The following RCOR3 variants were observed in gnomAD, a reference collection of about 807,000 sequenced individuals.
RCOR3 encodes the protein REST corepressor 3.
RCOR3 carries 13 observed loss-of-function variants against 64.1 expected under a neutral mutation model. That is an observed-to-expected ratio of 0.20 (90% CI 0.13 to 0.32). The LOEUF is 0.32. RCOR3 is among the 10% of genes least tolerant of loss of function. The probability of loss-of-function intolerance (pLI) is 1.00; values close to 1 mark genes in which losing one functional copy is unlikely to be tolerated. For synonymous variants in RCOR3, 215 were observed against 239.0 expected (o/e 0.90, Z 0.93); for missense variants, 489 against 701.2 (o/e 0.70, Z 3.42).
At chr1:211,268,551 A>G (rs1213301054) in intron 2 of RCOR3, among the ~76,000 whole-genome samples, 1 of 151,276 alleles carries the variant, frequency 6.6e-6, no homozygotes, top group Non-Finnish European at 1.5e-5. Flanking sequence ...GGCTAATTGT[A>G]TTTTTAATAG....
At chr1:211,262,033 C>CTTA (rs1694396620) in intron 2 of RCOR3, among the ~76,000 whole-genome samples, 2 of 65,512 alleles carry the variant, frequency 3.1e-5, no homozygotes, top group South Asian at 1.4e-3. Flanking sequence ...GCTATAAAAA[C>CTTA]TTTTTTTTTT....
intron 2 of RCOR3, among the ~76,000 whole-genome samples, chr1:211,267,461 G>T (rs1053860112): frequency 6.6e-6 from 1 of 152,206 alleles, no homozygotes; most frequent in Non-Finnish European, 1.5e-5. Context: ...CTGCTATCAG[G>T]ATTGCTCTAT....
chr1:211,312,099 ATCT>A lies in RCOR3; in HGVS notation c.1076-617_1076-615del, dbSNP rs1324451216. 4.6e-6 allele frequency: 1 copy of A among 217,856 alleles called. No individual in the cohort carries two copies. The highest frequency in any genetic ancestry group is 9.8e-6 in the Non-Finnish European group (1 of 102,418). The allele number at this position is 217,856 out of a possible 1,614,324, so 13.5% of individuals were successfully genotyped here. A position where few individuals can be genotyped will look rare whatever the true frequency, so the allele number is the denominator to read the frequency against. Reference sequence around the variant, plus strand: ...AAAATCCAACTGACTCTGAAAAAAAATCTTCTCTTTTTTCAAAATCCACCAACT... The same window carrying A: ...AAAATCCAACTGACTCTGAAAAAAAATCTCTTTTTTCAAAATCCACCAACT... On this transcript the variant is annotated intron_variant, in intron 10 of 11. Transcript: ENST00000419091. The surrounding 1 kb of genome is among the most constrained non-coding windows in gnomAD (Gnocchi z 5.0).
At position 211,289,305 on chromosome 1, in the gene RCOR3, A is replaced by G; in HGVS notation, c.848A>G (p.Gln283Arg). The G allele has an allele frequency of 6.2e-7, 1 of 1,614,188 alleles. No individual in the cohort carries two copies. The highest frequency in any genetic ancestry group is 8.5e-7 in the Non-Finnish European group (1 of 1,180,030). ...CCACCTAAGGGCATGTATTTAACCC[A>G]GGAAGATGTGGTAGCAGTTTCCTGT... ...CRPPKGMYLT[Q>R]EDVVAVSCSP... The change falls in exon 8 of 12, where the codon CAG (glutamine) becomes CGG (arginine). Residue 283 changes from glutamine (Q) to arginine (R), a missense_variant. Transcript: ENST00000419091.
intron 7 of RCOR3, among the ~76,000 whole-genome samples, chr1:211,286,412 A>AT (rs1698539251): frequency 6.7e-6 from 1 of 150,286 alleles, no homozygotes; most frequent in Non-Finnish European, 1.5e-5. Flanking sequence ...GGTTCAAGTG[A>AT]TTCTCCTGCC....
chr1:211,297,787 C>G (rs1699992063), intron 9 of RCOR3, among the ~76,000 whole-genome samples: 2 of 152,062 alleles, frequency 1.3e-5, no homozygotes, highest in African/African-American at 4.8e-5. Flanking sequence ...GAGAGGAAGG[C>G]AACTTGAATA....
intron 3 of RCOR3, chr1:211,271,731 G>C: frequency 3.2e-6 from 1 of 308,202 alleles, no homozygotes; most frequent in Non-Finnish European, 6.5e-6. Context: ...GCAGCCATCA[G>C]GTCATCTTTG....
At chr1:211,260,635 C>T (rs971253262) in intron 2 of RCOR3, among the ~76,000 whole-genome samples, 1 of 152,200 alleles carries the variant, frequency 6.6e-6, no homozygotes, top group Non-Finnish European at 1.5e-5. Flanking sequence ...AAGGGCGAGC[C>T]CTGCCGACCT....
intron 3 of RCOR3, among the ~76,000 whole-genome samples, chr1:211,273,889 T>C (rs1696593856): frequency 6.6e-6 from 1 of 152,316 alleles, no homozygotes; most frequent in South Asian, 2.1e-4. Flanking sequence ...ATTATCTTAA[T>C]ATTTTATACA....
intron 5 of RCOR3, 101 bp from the exon 6 acceptor site, chr1:211,278,016 T>C (rs965732399): frequency 9.4e-7 from 1 of 1,064,192 alleles, no homozygotes; most frequent in Non-Finnish European, 1.3e-6. Flanking sequence ...ACCCATGAAA[T>C]ATTTTTTTAT....
intron 2 of RCOR3, among the ~76,000 whole-genome samples, chr1:211,268,088 G>A (rs1229606366): frequency 6.6e-6 from 1 of 152,116 alleles, no homozygotes; most frequent in African/African-American, 2.4e-5. Flanking sequence ...GTTGCATTTC[G>A]TGTTCTATTA....
At chr1:211,294,620 C>T (rs1475222865) in intron 8 of RCOR3, among the ~76,000 whole-genome samples, 9 of 124,810 alleles carry the variant, frequency 7.2e-5, no homozygotes, top group Admixed American at 2.0e-4. Context: ...GACGGAGTCT[C>T]GCTGTGTCGC....
chr1:211,287,086 G>A (rs1382020029), intron 7 of RCOR3, among the ~76,000 whole-genome samples: 1 of 152,044 alleles, frequency 6.6e-6, no homozygotes, highest in East Asian at 1.9e-4. Context: ...CTTGATTTGG[G>A]GTTTTTCAGG....
rs1353438362 is a variant in RCOR3 at position 211,259,682 on chromosome 1, A to G, written c.122A>G (p.His41Arg). The G allele has an allele frequency of 1.6e-5, 25 of 1,544,692 alleles. No homozygotes were observed. Among genetic ancestry groups the G allele is most frequent in the Non-Finnish European group, 2.0e-5 (23 of 1,144,356 alleles). ...GCCTCGTCCACCAACGGCGGGCTGC[A>G]CTACTCAGAGCCCGAGAGCGGCTGC... ...SGASSTNGGL[H>R]YSEPESGCSS... The change falls in exon 1 of 12, where the codon CAC becomes CGC. Residue 41 changes from histidine to arginine, a missense_variant. Physicochemically the swap from His to Arg is conservative, Grantham distance 29 (BLOSUM62 0). Around this residue, in one of 2 missense-constraint regions of RCOR3, gnomAD observed 87 missense variants for 84.3 expected, o/e 1.03. Transcript: ENST00000419091.
At chr1:211,269,078 T>A (rs1350750318) in intron 2 of RCOR3, among the ~76,000 whole-genome samples, 1 of 152,208 alleles carries the variant, frequency 6.6e-6, no homozygotes, top group Non-Finnish European at 1.5e-5. Context: ...CTTATAACTT[T>A]ATAAAGGATT....
In RCOR3 at chr1:211,315,495, T is replaced by G. The variant is rs1002777452; in HGVS notation, c.*1727T>G. On this transcript the variant is annotated 3_prime_UTR_variant, in exon 12 of 12. Transcript: ENST00000419091. ...GTTCTTGGCCCTGAATTTAGCTGAT[T>G]TAAAATTCTTAATATTCAAGAATTT... is the stretch of plus-strand genomic sequence containing the variant. 2 of 152,238 alleles carry G rather than the reference T, an allele frequency of 1.3e-5. No homozygotes were observed. The highest frequency in any genetic ancestry group is 6.5e-5 in the Admixed American group (1 of 15,290). The allele number at this position is 152,238 out of a possible 1,614,324, so 9.4% of individuals were successfully genotyped here. A position where few individuals can be genotyped will look rare whatever the true frequency, so the allele number is the denominator to read the frequency against.
intron 8 of RCOR3, among the ~76,000 whole-genome samples, chr1:211,291,247 T>G (rs1699210027): frequency 6.6e-6 from 1 of 152,204 alleles, no homozygotes; most frequent in African/African-American, 2.4e-5. Flanking sequence ...TTATCACAGG[T>G]ATGTATATAT....
rs568640904 is a variant in RCOR3, at chr1:211,290,956, CTTGT to C, written c.939+1572_939+1575del. ...TTTCCAGCTATATCTTTTGCATTTT[CTTGT>C]TTGTTTGTTTGGTTTTTTTTTTGCT... On this transcript the variant is annotated intron_variant, in intron 8 of 11. Transcript: ENST00000419091. Among the ~76,000 whole-genome samples the C allele has an allele frequency of 3.0e-4, 44 of 149,106 alleles. No homozygotes were observed. In the East Asian group the frequency reaches 4.5e-3, roughly 15 times the overall value.
At chr1:211,294,815 T>C (rs1471062766) in intron 8 of RCOR3, among the ~76,000 whole-genome samples, 1 of 152,082 alleles carries the variant, frequency 6.6e-6, no homozygotes, top group Non-Finnish European at 1.5e-5. Context: ...GGTCTTGATC[T>C]CCTGACCTCG....
Sources: gnomAD v4.1 joint callset for allele counts (sites outside exome capture counted in the v4.1 genomes callset) on GRCh38, gnomAD v4.1.1 for gene constraint, gnomAD v4.1.1 regional missense constraint, Gnocchi (gnomAD v3.1) non-coding constraint, MANE v1.5 for transcripts, NCBI Gene and HGNC (gene_info 2026-07-23, HGNC 2026-07-21) for gene names.